The following RBFOX3 variants were observed in gnomAD, a reference collection of about 807,000 sequenced individuals.
RBFOX3 encodes RNA binding fox-1 homolog 3, also known as RNA binding protein fox-1 homolog 3.
A neutral mutation model predicts 48.7 loss-of-function variants in RBFOX3; 17 were observed. That is an observed-to-expected ratio of 0.35 (90% CI 0.24 to 0.52). The LOEUF (loss-of-function observed/expected upper bound fraction) is 0.52, where lower values mean the gene tolerates loss of function less well. Ranked by LOEUF, RBFOX3 falls within the 20% of genes least tolerant of loss-of-function variation. The pLI is 0.94. For synonymous variants in RBFOX3, 212 were observed against 209.5 expected, an observed-to-expected ratio of 1.01 and a Z score of -0.10; for missense variants, 382 against 497.5, an observed-to-expected ratio of 0.77 and a Z score of 2.21.
intron 4 of RBFOX3, among the ~76,000 whole-genome samples, chr17:79,202,848 A>G (rs1231704669): frequency 6.6e-6 from 1 of 152,234 alleles, no homozygotes; most frequent in African/African-American, 2.4e-5. Flanking sequence ...AAAGGCCTTA[A>G]TACCACTGTG....
At chr17:79,442,099 C>T (rs938856929) in intron 2 of RBFOX3, among the ~76,000 whole-genome samples, 1 of 151,276 alleles carries the variant, frequency 6.6e-6, no homozygotes, top group Non-Finnish European at 1.5e-5. Context: ...ACCTGACCAT[C>T]CACGGCCCTC....
chr17:79,529,339 A>G (rs2087326123), intron 1 of RBFOX3, among the ~76,000 whole-genome samples: 1 of 152,226 alleles, frequency 6.6e-6, no homozygotes, highest in Non-Finnish European at 1.5e-5. Context: ...CTGAAAGTCC[A>G]GAAGACAGGG....
At position 79,391,179 on chromosome 17, in the gene RBFOX3, G is replaced by A. The variant is rs1390257403; in HGVS notation, c.-174-83355C>T. 6.6e-6 allele frequency among the ~76,000 whole-genome samples: 1 copy of A among 151,992 alleles called. No homozygotes were observed. The highest frequency in any genetic ancestry group is 1.9e-4 in the East Asian group (1 of 5,156). The stretch of plus-strand genomic sequence containing the variant: ...ACTTTTCTAAAACCTCACTACCACT[G>A]TATCAAACTCCAGCTTCTCTTCAAC... On this transcript the variant is annotated intron_variant, in intron 2 of 14. Transcript: ENST00000693108. The surrounding 1 kb of genome is among the most constrained non-coding windows in gnomAD (Gnocchi z 5.0).
At position 79,090,777 on chromosome 17, in the gene RBFOX3, T is replaced by TTG. The variant is rs889461460; in HGVS notation, c.*105_*106insCA. The stretch of plus-strand genomic sequence containing the variant: ...GCCTCTTGGTTTGGTTGGTTTTTTT[T>TTG]TTGTTGCTTGGATCTTAACATCTTT... On this transcript the variant is annotated 3_prime_UTR_variant, in exon 15 of 15. Coordinates refer to ENST00000693108, the MANE Select transcript of RBFOX3 (RefSeq NM_001350451.2). 5.9e-6 allele frequency: 8 copies of TTG among 1,362,816 alleles called. No individual in the cohort carries two copies. In the Admixed American group the frequency reaches 1.1e-4, roughly 18 times the overall value. The allele number at this position is 1,362,816 out of a possible 1,614,324, so 84.4% of individuals were successfully genotyped here. A position where few individuals can be genotyped will look rare whatever the true frequency, so the allele number is the denominator to read the frequency against.
chr17:79,645,350 C>T, the RBFOX3 span, among the ~76,000 whole-genome samples: 2 of 152,026 alleles, frequency 1.3e-5, no homozygotes, highest in East Asian at 3.9e-4. Context: ...GCCAGAAACA[C>T]CGCCTCTTTA....
At chr17:79,201,585 G>A (rs891819130) in intron 4 of RBFOX3, among the ~76,000 whole-genome samples, 1 of 152,206 alleles carries the variant, frequency 6.6e-6, no homozygotes, top group African/African-American at 2.4e-5. Context: ...CCTCTCAGGA[G>A]GGGACTGTTC....
rs539734238 is a variant in RBFOX3 at position 79,443,254 on chromosome 17, T to C, written c.-175+39200A>G. Among the ~76,000 whole-genome samples, 1 of 152,316 alleles carries C rather than the reference T, an allele frequency of 6.6e-6. No homozygotes were observed. The highest frequency in any genetic ancestry group is 6.5e-5 in the Admixed American group (1 of 15,296). The stretch of plus-strand genomic sequence containing the variant: ...CCCTCTGCCCCAACAAGCTGCTAGG[T>C]GTGTGTCACCAGGCCTCTGCCACCG... On this transcript the variant is annotated intron_variant, in intron 2 of 14. Coordinates refer to ENST00000693108, the MANE Select transcript of RBFOX3 (RefSeq NM_001350451.2). The surrounding 1 kb of genome is among the most constrained non-coding windows in gnomAD (Gnocchi z 4.4).
At chr17:79,646,018 A>G in the RBFOX3 span, among the ~76,000 whole-genome samples, 8 of 152,232 alleles carry the variant, frequency 5.3e-5, no homozygotes, top group African/African-American at 1.9e-4. Flanking sequence ...CCTTGCACTA[A>G]GATCCACATC....
intron 1 of RBFOX3, among the ~76,000 whole-genome samples, chr17:79,610,454 C>T (rs2093946961): frequency 6.6e-6 from 1 of 151,960 alleles, no homozygotes; most frequent in Non-Finnish European, 1.5e-5. Flanking sequence ...GCCGCCGCCA[C>T]AGCCACCACC....
the RBFOX3 span, among the ~76,000 whole-genome samples, chr17:79,636,156 G>A: frequency 7.2e-5 from 11 of 152,124 alleles, no homozygotes; most frequent in African/African-American, 2.7e-4. Context: ...GTGAGGGGGA[G>A]TATTTTCAAA....
chr17:79,534,647 G>T (rs1443847577), intron 1 of RBFOX3, among the ~76,000 whole-genome samples: 1 of 152,204 alleles, frequency 6.6e-6, no homozygotes, highest in Non-Finnish European at 1.5e-5. Context: ...GTTCCTGGGG[G>T]TAGAACCAAT....
At chr17:79,397,764 G>A (rs1428735807) in intron 2 of RBFOX3, among the ~76,000 whole-genome samples, 6 of 152,170 alleles carry the variant, frequency 3.9e-5, no homozygotes, top group Non-Finnish European at 7.3e-5. Flanking sequence ...AGGCCTCCAG[G>A]ACGTCGGGGA....
At chr17:79,420,176 A>C (rs62061665) in intron 2 of RBFOX3, among the ~76,000 whole-genome samples, 3,704 of 37,534 alleles carry the variant, frequency 0.099, 97 homozygotes, top group African/African-American at 0.17. Flanking sequence ...CACACACACA[A>C]AAGATGGTTA....
In RBFOX3 at chr17:79,097,779, T is replaced by C. The variant is rs368163514; in HGVS notation, c.569-34A>G. 510 of 1,544,870 alleles carry C rather than the reference T, an allele frequency of 3.3e-4. 1 individual carries two copies. The African/African-American group carries it at 6.2e-3, about 19-fold the overall frequency. On this transcript the variant is annotated intron_variant, in intron 9 of 14. Transcript: ENST00000693108. ...AAGGCACAGAGACCTAGTCACTGCC[T>C]TCCCCGACCCTTTTCCCACCAAAAC... is the stretch of plus-strand genomic sequence containing the variant.
chr17:79,333,029 GGA>G (rs1568059550), intron 2 of RBFOX3, among the ~76,000 whole-genome samples: 1 of 151,156 alleles, frequency 6.6e-6, no homozygotes, highest in Non-Finnish European at 1.5e-5. Flanking sequence ...ATGGGGTGGG[GGA>G]GAGACATATA....
intron 2 of RBFOX3, among the ~76,000 whole-genome samples, chr17:79,457,167 G>T (rs2074641759): frequency 6.6e-6 from 1 of 152,242 alleles, no homozygotes; most frequent in Non-Finnish European, 1.5e-5. Context: ...CTGAGCAGAA[G>T]GCCTGGGCCC....
Position 79,391,809 on chromosome 17 carries a change from T to A in RBFOX3, c.-174-83985A>T, listed in dbSNP as rs2061402518. On this transcript the variant is annotated intron_variant, in intron 2 of 14. Coordinates refer to ENST00000693108, the MANE Select transcript of RBFOX3 (RefSeq NM_001350451.2). This position sits in a 1 kb window ranked among gnomAD's most constrained non-coding sequence, Gnocchi z 5.0. ...GCATGACAACGAGAACCAGTACGCATGTGTTTGGGGGACAGCACACCCCCG... is the reference window on the plus strand; with the variant it reads ...GCATGACAACGAGAACCAGTACGCAAGTGTTTGGGGGACAGCACACCCCCG... Among the ~76,000 whole-genome samples the A allele has an allele frequency of 1.3e-5, 2 of 151,828 alleles. No individual in the cohort carries two copies. Among genetic ancestry groups the A allele is most frequent in the African/African-American group, 4.8e-5 (2 of 41,286 alleles).
rs1292098533 is a variant in RBFOX3 at position 79,480,670 on chromosome 17, C to A, written c.-175+1784G>T. ...TGCTGCCTCGGCGCCTTGGCACTGGCCATTCCCTCTGTCTGGAACACTCTC... is the reference window on the plus strand; with the variant it reads ...TGCTGCCTCGGCGCCTTGGCACTGGACATTCCCTCTGTCTGGAACACTCTC... On this transcript the variant is annotated intron_variant, in intron 2 of 14. Coordinates refer to ENST00000693108, the MANE Select transcript of RBFOX3 (RefSeq NM_001350451.2). This position sits in a 1 kb window ranked among gnomAD's most constrained non-coding sequence, Gnocchi z 4.8. 6.6e-6 allele frequency among the ~76,000 whole-genome samples: 1 copy of A among 152,174 alleles called. No individual in the cohort carries two copies. The highest frequency in any genetic ancestry group is 2.4e-5 in the African/African-American group (1 of 41,432).
intron 2 of RBFOX3, among the ~76,000 whole-genome samples, chr17:79,330,967 A>G (rs2080192772): frequency 6.6e-6 from 1 of 151,912 alleles, no homozygotes; most frequent in African/African-American, 2.4e-5. Flanking sequence ...ATTTCACTCT[A>G]TGTTGCTCCT....
Sources: allele counts gnomAD v4.1 joint callset (sites outside exome capture counted in the v4.1 genomes callset), GRCh38; gene constraint gnomAD v4.1.1; non-coding constraint Gnocchi (gnomAD v3.1); transcripts MANE v1.5; gene names NCBI Gene and HGNC (gene_info 2026-07-23, HGNC 2026-07-21).